RNF213: variants seen among roughly 807,000 people sequenced by gnomAD.
The protein encoded by RNF213 is ring finger protein 213.
In RNF213, 341 loss-of-function variants were observed where a neutral mutation model predicts 514.4. That is an observed-to-expected ratio of 0.66 (90% confidence interval 0.61 to 0.73). The LOEUF is 0.73. Ranked by LOEUF, RNF213 falls within the 30% of genes least tolerant of loss-of-function variation. RNF213 has a pLI of 0.00. For missense variants in RNF213, 5,767 were observed against 6,615.6 expected, an observed-to-expected ratio of 0.87 and a Z score of 4.45; for synonymous variants, 2,655 against 2,658.2, an observed-to-expected ratio of 1.00 and a Z score of 0.04.
At chr17:80,312,662 C>T (rs570370591) in intron 14 of RNF213, among the ~76,000 whole-genome samples, 1 of 152,334 alleles carries the variant, frequency 6.6e-6, no homozygotes, top group South Asian at 2.1e-4. Flanking sequence ...CGGGAGTCTG[C>T]AGGGCCCCTC....
Position 80,309,038 on chromosome 17 carries a change from C to T in RNF213, c.2522C>T (p.Ser841Leu), listed in dbSNP as rs1290668859. ...GGCAGGATTCCCGAGGAGGCCTTGT[C>T]ACCATCCTACCTGACTGTGTGTCTG... ...YRDKIPEEAL[S>L]PSYLTVCLKL... Residue 841 changes from serine (S) to leucine (L), a missense_variant, in exon 14 of 68, where the codon TCA (serine) becomes TTA (leucine). Physicochemically the swap from Ser to Leu is moderately radical, Grantham distance 145. Transcript: ENST00000582970. The T allele has an allele frequency of 6.2e-7, 1 of 1,614,128 alleles. No homozygotes were observed. Among genetic ancestry groups the T allele is most frequent in the Admixed American group, 1.7e-5 (1 of 60,012 alleles).
chr17:80,337,446 G>A, intron 23 of RNF213, 140 bp from the exon 24 acceptor site: 1 of 1,121,232 alleles, frequency 8.9e-7, no homozygotes. Context: ...GCGCTGGGTG[G>A]GCGACTGCGT....
intron 25 of RNF213, 23 bp from the exon 26 acceptor site, chr17:80,339,178 A>G (rs962595855): frequency 4.1e-6 from 6 of 1,456,040 alleles, no homozygotes; most frequent in East Asian, 2.5e-5. Flanking sequence ...CTGTGAGCCA[A>G]CCTCATGGTT....
At chr17:80,310,273 A>G (rs955615438) in intron 14 of RNF213, among the ~76,000 whole-genome samples, 5 of 151,320 alleles carry the variant, frequency 3.3e-5, no homozygotes, top group Non-Finnish European at 7.4e-5. Flanking sequence ...TTTTTTTGAG[A>G]TGGAGTTTTG....
Position 80,333,153 on chromosome 17 carries a change from A to G in RNF213, c.4143+522A>G, listed in dbSNP as rs148999614. Among the ~76,000 whole-genome samples, 1,077 of 149,966 alleles carry G rather than the reference A, an allele frequency of 7.2e-3. 20 individuals carry two copies. Among genetic ancestry groups the G allele is most frequent in the African/African-American group, 0.025 (1,016 of 40,756 alleles). ...AAGCTTCGCCTCCCAGGTTCACGCC[A>G]TTCTCCTGTCTCAGCCTCCCAAGTA... On this transcript the variant is annotated intron_variant, in intron 21 of 67. Transcript: ENST00000582970.
At chr17:80,384,988 A>C in intron 59 of RNF213, 51 bp from the exon 60 acceptor site, 3 of 1,604,872 alleles carry the variant, frequency 1.9e-6, no homozygotes, top group Non-Finnish European at 2.6e-6. Context: ...AACCCCAATA[A>C]CATTTTTTAG....
chr17:80,290,223 G>T lies in RNF213; in HGVS notation c.1113-347G>T, dbSNP rs2044642085. Among the ~76,000 whole-genome samples, 4 of 152,380 alleles carry T rather than the reference G, an allele frequency of 2.6e-5. No homozygotes were observed. The South Asian group carries it at 8.3e-4, about 32-fold the overall frequency. ...CTCCATGGGGGGTGGTGTGTCACAC[G>T]TGGACGTGCTTGCATGTTTGCTAGG... On this transcript the variant is annotated intron_variant, in intron 6 of 67. Transcript: ENST00000582970.
rs2080410784 is a variant in RNF213, at chr17:80,390,253, G to A, written c.15470+57G>A. ...GACACAATGTTGTGCTGTCTCTCCT[G>A]TGATCTTCTATAGACACAAAAATAG... On this transcript the variant is annotated intron_variant, in intron 67 of 67. Coordinates refer to ENST00000582970, the MANE Select transcript of RNF213 (RefSeq NM_001256071.3). 3.2e-6 allele frequency: 5 copies of A among 1,553,356 alleles called. No individual in the cohort carries two copies. The South Asian group carries it at 5.6e-5, about 17-fold the overall frequency.
intron 3 of RNF213, among the ~76,000 whole-genome samples, chr17:80,283,405 C>T (rs948072271): frequency 1.3e-5 from 2 of 152,224 alleles, no homozygotes; most frequent in Non-Finnish European, 2.9e-5. Context: ...GGCTTGAGGG[C>T]AGTGGTCTTC....
rs138386129 is a variant in RNF213, at chr17:80,263,332, G to A, written c.-108-242G>A. On this transcript the variant is annotated intron_variant, in intron 1 of 67. Coordinates refer to ENST00000582970, the MANE Select transcript of RNF213 (RefSeq NM_001256071.3). This position sits in a 1 kb window ranked among gnomAD's most constrained non-coding sequence, Gnocchi z 4.9. ...TCAGGGCAGGCCGTGGGACCCTGCCGAACAGCACGTGGCTGCCCCACGCCT... is the reference window on the plus strand; with the variant it reads ...TCAGGGCAGGCCGTGGGACCCTGCCAAACAGCACGTGGCTGCCCCACGCCT... 6.8e-3 allele frequency among the ~76,000 whole-genome samples: 1,028 copies of A among 152,262 alleles called. 12 individuals are homozygous for A. The highest frequency in any genetic ancestry group is 0.024 in the African/African-American group (1,005 of 41,560).
rs533184125 is a variant in RNF213 at position 80,353,098 on chromosome 17, G to A, written c.10423+39G>A. Reference sequence around the variant, plus strand: ...CGGAGCCCCTGGGGGAGCAGGTGGTGGAAGGGCAGATGGCAGGTGTGGAGC... The same window carrying A: ...CGGAGCCCCTGGGGGAGCAGGTGGTAGAAGGGCAGATGGCAGGTGTGGAGC... On this transcript the variant is annotated intron_variant, in intron 33 of 67. Transcript: ENST00000582970. The surrounding 1 kb of genome is among the most constrained non-coding windows in gnomAD (Gnocchi z 5.0). The A allele has an allele frequency of 5.6e-6, 9 of 1,606,816 alleles. No individual in the cohort carries two copies. The East Asian group carries it at 1.8e-4, about 32-fold the overall frequency.
intron 54 of RNF213, chr17:80,379,309 G>A (rs2079889517): frequency 5.0e-6 from 2 of 398,646 alleles, no homozygotes; most frequent in Non-Finnish European, 9.6e-6. Context: ...TAGATGGAGG[G>A]ATGGAAAAAG....
At chr17:80,274,596 AG>A (rs2043948272) in intron 3 of RNF213, among the ~76,000 whole-genome samples, 1 of 20,244 alleles carries the variant, frequency 4.9e-5, no homozygotes, top group African/African-American at 2.2e-4. Context: ...GTGGGGGGTG[AG>A]TGGGGTGAGT....
At position 80,361,828 on chromosome 17, in the gene RNF213, G is replaced by T; in HGVS notation, c.11295G>T (p.Gln3765His). Reference protein sequence around the residue: ...LHGEPQQELLQCYLKDFILLT... With the variant: ...LHGEPQQELLHCYLKDFILLT... ...GAGAGCCGCAGCAGGAACTTCTTCA[G>T]TGTTACTTGAAGGATTTCATTCTCT... Residue 3765 changes from glutamine to histidine, a missense_variant, in exon 39 of 68, where the codon CAG (glutamine) becomes CAT (histidine). This residue lies in a region of RNF213 where 355 missense variants were observed against 358.0 expected (regional missense o/e 0.99). Coordinates refer to ENST00000582970, the MANE Select transcript of RNF213 (RefSeq NM_001256071.3). 1 of 1,613,976 alleles carries T rather than the reference G, an allele frequency of 6.2e-7. No homozygotes were observed. Among genetic ancestry groups the T allele is most frequent in the Non-Finnish European group, 8.5e-7 (1 of 1,179,848 alleles).
rs764312055 is a variant in RNF213, at chr17:80,339,752, C to G, written c.5385C>G (p.Asp1795Glu). The G allele has an allele frequency of 2.0e-6, 3 of 1,537,090 alleles. No individual in the cohort carries two copies. The highest frequency in any genetic ancestry group is 8.7e-7 in the Non-Finnish European group (1 of 1,146,798). The change falls in exon 26 of 68, where the codon GAC (aspartate) becomes GAG (glutamate). Residue 1795 changes from aspartate to glutamate, a missense_variant. Asp to Glu is a conservative substitution (Grantham distance 45). This residue lies in a region of RNF213 where 1,377 missense variants were observed against 1,635.2 expected (regional missense o/e 0.84). Coordinates refer to ENST00000582970, the MANE Select transcript of RNF213 (RefSeq NM_001256071.3). The part of the protein sequence containing the change: ...SMRCLPAFLP[D>E]CLDLETLGHC... ...GGTGCCTTCCTGCCTTCCTGCCCGACTGCCTCGACCTAGAGACCCTTGGCC... is the reference window on the plus strand; with the variant it reads ...GGTGCCTTCCTGCCTTCCTGCCCGAGTGCCTCGACCTAGAGACCCTTGGCC...
Position 80,370,755 on chromosome 17 carries a change from T to C in RNF213, c.12425+888T>C, listed in dbSNP as rs559970168. 2.6e-4 allele frequency among the ~76,000 whole-genome samples: 40 copies of C among 152,304 alleles called. No homozygotes were observed. The South Asian group carries it at 8.1e-3, about 31-fold the overall frequency. On this transcript the variant is annotated intron_variant, in intron 46 of 67. Transcript: ENST00000582970. ...GGTTATCAGCCGGCTGCTGTGTTCA[T>C]GGACCGCCACCCGTGCTGGGAGGAA...
chr17:80,312,956 C>G, intron 14 of RNF213, 56 bp from the exon 15 acceptor site: 1 of 1,606,182 alleles, frequency 6.2e-7, no homozygotes, highest in Non-Finnish European at 8.5e-7. Context: ...AGCATCTCGC[C>G]GGGAACCTGA....
At position 80,383,759 on chromosome 17, in the gene RNF213, T is replaced by C; in HGVS notation, c.14153T>C (p.Ile4718Thr). The change falls in exon 59 of 68, where the codon ATA (isoleucine) becomes ACA (threonine). Residue 4718 changes from isoleucine (I) to threonine (T), a missense_variant. Ile to Thr is a moderately conservative substitution (Grantham distance 89). This residue lies in a region of RNF213 where 1,245 missense variants were observed against 1,339.0 expected (regional missense o/e 0.93). Coordinates refer to ENST00000582970, the MANE Select transcript of RNF213 (RefSeq NM_001256071.3). ...AGCTCTAACCCTGTGGCCAAAATAA[T>C]ATATGGTGACCCAGTGACCTTCCTG... ...RISSNPVAKIIYGDPVTFLPH... is the reference protein window; with the variant it reads ...RISSNPVAKITYGDPVTFLPH... 6.2e-7 allele frequency: 1 copy of C among 1,613,970 alleles called. No homozygotes were observed. The highest frequency in any genetic ancestry group is 8.5e-7 in the Non-Finnish European group (1 of 1,179,988).
At chr17:80,350,942 G>A (rs1435794936) in intron 31 of RNF213, among the ~76,000 whole-genome samples, 2 of 152,228 alleles carry the variant, frequency 1.3e-5, no homozygotes, top group African/African-American at 2.4e-5. Flanking sequence ...TTTCAAGTTC[G>A]AGGGAAACAA....
Sources: gnomAD v4.1 joint callset for allele counts (sites outside exome capture counted in the v4.1 genomes callset) on GRCh38, gnomAD v4.1.1 for gene constraint, gnomAD v4.1.1 regional missense constraint, Gnocchi (gnomAD v3.1) non-coding constraint, MANE v1.5 for transcripts, NCBI Gene and HGNC (gene_info 2026-07-23, HGNC 2026-07-21) for gene names.